DMD: variants seen among roughly 807,000 people sequenced by gnomAD.
DMD encodes mutant dystrophin.
In DMD, 63 loss-of-function variants were observed where a neutral mutation model predicts 330.1. The observed-to-expected ratio is 0.19, with a 90% CI of 0.16 to 0.24. The LOEUF is 0.24. Among genes scored for constraint, DMD ranks in the 10% least tolerant of loss-of-function variants. The pLI, the probability that DMD is intolerant of heterozygous loss-of-function variation, is 1.00. For synonymous variants in DMD, 1,223 were observed against 959.8 expected (o/e 1.27, Z -5.07); for missense variants, 3,344 against 2,684.1 (o/e 1.25, Z -5.43).
chrX:31,791,864 T>C, intron 50 of DMD, among the ~76,000 whole-genome samples: 1 of 112,118 alleles, frequency 8.9e-6, no homozygotes, highest in South Asian at 3.7e-4. Context: ...TATTATTTGC[T>C]ATCTCAATTG....
intron 60 of DMD, among the ~76,000 whole-genome samples, chrX:31,422,043 A>ATTTTTT (rs369198579): frequency 3.5e-5 from 1 of 28,763 alleles, no homozygotes; most frequent in African/African-American, 6.8e-5. Flanking sequence ...ATATATATAT[A>ATTTTTT]TTTTTTTTTT....
chrX:32,964,346 A>T (rs1468803586), intron 2 of DMD, among the ~76,000 whole-genome samples: 1 of 110,153 alleles, frequency 9.1e-6, no homozygotes, highest in Non-Finnish European at 1.9e-5. Flanking sequence ...TTGGGGGAAA[A>T]ACTGAAGCAT....
intron 29 of DMD, among the ~76,000 whole-genome samples, chrX:32,413,403 G>C (rs1406710561): frequency 9.0e-6 from 1 of 111,345 alleles, no homozygotes; most frequent in African/African-American, 3.3e-5. Flanking sequence ...TGTAATTCTA[G>C]ATATTTCTAC....
At chrX:33,022,656 C>CATA (rs1358196084) in intron 1 of DMD, among the ~76,000 whole-genome samples, 1 of 110,732 alleles carries the variant, frequency 9.0e-6, no homozygotes, top group Non-Finnish European at 1.9e-5. Flanking sequence ...ATGTAATTTA[C>CATA]TACTTTATAC....
Position 31,146,427 on chromosome X carries a change from A to G in DMD, c.10798-13T>C, listed in dbSNP as rs2036703453. 8.3e-7 allele frequency: 1 copy of G among 1,204,216 alleles called. No individual in the cohort carries two copies. The highest frequency in any genetic ancestry group is 2.2e-5 in the Admixed American group (1 of 45,793). On this transcript the variant is annotated splice_polypyrimidine_tract_variant and intron_variant, in intron 75 of 78. Coordinates refer to ENST00000357033, the MANE Select transcript of DMD (RefSeq NM_004006.3). ...CCTCTGCCTGGGGCTAAGTCATCCAAAAGAAAACAGAATTACTTTTCATAA... is the reference window on the plus strand; with the variant it reads ...CCTCTGCCTGGGGCTAAGTCATCCAGAAGAAAACAGAATTACTTTTCATAA...
chrX:31,641,605 C>G (rs940156836), intron 54 of DMD, among the ~76,000 whole-genome samples: 2 of 110,504 alleles, frequency 1.8e-5, no homozygotes, highest in Non-Finnish European at 3.8e-5. Flanking sequence ...TGAGTAAGTG[C>G]AACATCTCTT....
At chrX:31,572,828 T>G (rs188281871) in intron 55 of DMD, among the ~76,000 whole-genome samples, 28 of 112,413 alleles carry the variant, frequency 2.5e-4, no homozygotes, top group Non-Finnish European at 4.7e-4. Flanking sequence ...TCCCAAGTTC[T>G]AAGTACTTGG....
At position 32,365,212 on chromosome X, in the gene DMD, G is replaced by C. The variant is rs751141075; in HGVS notation, c.4846-13C>G. ...CTTTTTGAGTAGCCTGTGAAAAGGA[G>C]AGCATTGACCTTCAAGTAATGTCTT... is the stretch of plus-strand genomic sequence containing the variant. On this transcript the variant is annotated splice_polypyrimidine_tract_variant and intron_variant, in intron 34 of 78. Transcript: ENST00000357033. The C allele has an allele frequency of 1.7e-6, 2 of 1,207,762 alleles. No homozygotes were observed. The highest frequency in any genetic ancestry group is 2.2e-6 in the Non-Finnish European group (2 of 892,637).
intron 1 of DMD, among the ~76,000 whole-genome samples, chrX:33,165,995 T>A: frequency 9.0e-6 from 1 of 111,232 alleles, no homozygotes; most frequent in Non-Finnish European, 1.9e-5. Flanking sequence ...TGAAAGTGAT[T>A]AATGATGTTG....
chrX:32,072,224 C>G lies in DMD; in HGVS notation c.6439-103710G>C, dbSNP rs1921379. Among the ~76,000 whole-genome samples the G allele has an allele frequency of 2.4e-3, 271 of 110,703 alleles. 2 individuals carry two copies. The highest frequency in any genetic ancestry group is 3.1e-3 in the Non-Finnish European group (164 of 52,900). On this transcript the variant is annotated intron_variant, in intron 44 of 78. Coordinates refer to ENST00000357033, the MANE Select transcript of DMD (RefSeq NM_004006.3). Reference sequence around the variant, plus strand: ...TGCCACGATATGTAATATTAAAAACCCTTTGCTCTCCAATGACATTCTTAT... The same window carrying G: ...TGCCACGATATGTAATATTAAAAACGCTTTGCTCTCCAATGACATTCTTAT...
At chrX:31,499,645 C>A (rs986353806) in intron 56 of DMD, among the ~76,000 whole-genome samples, 11 of 110,507 alleles carry the variant, frequency 1.0e-4, no homozygotes, top group African/African-American at 3.6e-4. Flanking sequence ...GCGCCCACCA[C>A]CACACCCAGC....
chrX:33,128,036 G>T, intron 1 of DMD: 1 of 1,161,532 alleles, frequency 8.6e-7, no homozygotes, highest in South Asian at 1.9e-5. Flanking sequence ...TATATCCCAG[G>T]GGTTGCAAAT....
Position 31,496,809 on chromosome X carries a change from C to G in DMD, c.8526G>C (p.Gln2842His), listed in dbSNP as rs1281466006. Reference protein sequence around the residue: ...APIGGDFPAVQKQNDVHRAFK... With the variant: ...APIGGDFPAVHKQNDVHRAFK... ...CTACCCTATGTACATCGTTCTGCTT[C>G]TGAACTGCTGGAAAGTCGCCTCCAA... Residue 2842 changes from glutamine (Q) to histidine (H), a missense_variant, in exon 57 of 79, where the codon CAG becomes CAC. Physicochemically the swap from Gln to His is conservative, Grantham distance 24. Coordinates refer to ENST00000357033, the MANE Select transcript of DMD (RefSeq NM_004006.3). 4.1e-6 allele frequency: 5 copies of G among 1,212,250 alleles called. No individual in the cohort carries two copies. Among genetic ancestry groups the G allele is most frequent in the Non-Finnish European group, 5.6e-6 (5 of 895,664 alleles).
intron 47 of DMD, among the ~76,000 whole-genome samples, chrX:31,878,508 A>T (rs1239238035): frequency 8.9e-6 from 1 of 112,350 alleles, no homozygotes; most frequent in Non-Finnish European, 1.9e-5. Flanking sequence ...AACAGACAAA[A>T]ATATCAGTAA....
At chrX:31,427,125 T>G (rs757427670) in intron 60 of DMD, among the ~76,000 whole-genome samples, 31 of 111,984 alleles carry the variant, frequency 2.8e-4, no homozygotes, top group African/African-American at 1.0e-3. Flanking sequence ...TTACATGTTT[T>G]TCATTTGCTT....
chrX:32,800,513 T>A (rs2076476927), intron 7 of DMD, among the ~76,000 whole-genome samples: 1 of 112,103 alleles, frequency 8.9e-6, no homozygotes, highest in East Asian at 2.8e-4. Flanking sequence ...AATATATGAC[T>A]TATGCTGAAT....
intron 1 of DMD, among the ~76,000 whole-genome samples, chrX:33,044,860 C>T (rs1275330746): frequency 2.7e-5 from 3 of 111,763 alleles, no homozygotes; most frequent in African/African-American, 9.8e-5. Flanking sequence ...TTGAAATTTA[C>T]CTTAAGATAA....
chrX:32,941,776 A>G (rs1247896863), intron 2 of DMD, among the ~76,000 whole-genome samples: 1 of 111,109 alleles, frequency 9.0e-6, no homozygotes, highest in Non-Finnish European at 1.9e-5. Context: ...TCCCTCCCAT[A>G]AGGAGTTGAA....
chrX:31,585,323 C>CAAAAA (rs1213158531), intron 55 of DMD, among the ~76,000 whole-genome samples: 1 of 36,088 alleles, frequency 2.8e-5, no homozygotes, highest in African/African-American at 1.2e-4. Flanking sequence ...GACCCTGTCT[C>CAAAAA]AAAAAAAAAA....
Sources: gnomAD v4.1 joint callset for allele counts (sites outside exome capture counted in the v4.1 genomes callset) on GRCh38, gnomAD v4.1.1 for gene constraint, MANE v1.5 for transcripts, NCBI Gene and HGNC (gene_info 2026-07-23, HGNC 2026-07-21) for gene names.